The following ABI2 variants were observed in gnomAD, a reference collection of about 807,000 sequenced individuals.
ABI2 encodes abelson interactor 2.
Under a neutral mutation model 59.2 loss-of-function variants are expected in ABI2, and 25 were observed. The ratio of observed to expected loss-of-function variants is 0.42; its 90% confidence interval spans 0.31 to 0.59. The LOEUF (loss-of-function observed/expected upper bound fraction) is 0.59. ABI2 is among the 20% of genes least tolerant of loss of function. The pLI, the probability that ABI2 is intolerant of heterozygous loss-of-function variation, is 0.14. For missense variants in ABI2, 545 were observed against 681.8 expected (o/e 0.80, Z 2.23); for synonymous variants, 213 against 235.5 (o/e 0.90, Z 0.87).
At chr2:203,421,991 AAG>A (rs1471026301) in intron 11 of ABI2, among the ~76,000 whole-genome samples, 2 of 151,060 alleles carry the variant, frequency 1.3e-5, no homozygotes, top group Non-Finnish European at 2.9e-5. Context: ...AAAATCTAGA[AAG>A]AGAGCCAGTT....
chr2:203,378,177 A>G (rs62183953), intron 2 of ABI2, among the ~76,000 whole-genome samples: 24,403 of 151,034 alleles, frequency 0.16, 2,371 homozygotes, highest in East Asian at 0.52. Context: ...CAGTGGCACA[A>G]TCTCGGCTCA....
chr2:203,335,517 C>T (rs1403834017), intron 1 of ABI2, among the ~76,000 whole-genome samples: 2 of 152,210 alleles, frequency 1.3e-5, no homozygotes, highest in African/African-American at 2.4e-5. Flanking sequence ...CCTGCCTTGG[C>T]TTCCCAAAGT....
intron 11 of ABI2, among the ~76,000 whole-genome samples, chr2:203,419,379 T>G (rs906038826): frequency 6.6e-6 from 1 of 151,452 alleles, no homozygotes; most frequent in Non-Finnish European, 1.5e-5. Flanking sequence ...ATTACAGGCG[T>G]GAGCCACGAG....
At chr2:203,383,048 A>T (rs1440822279) in intron 4 of ABI2, among the ~76,000 whole-genome samples, 1 of 152,202 alleles carries the variant, frequency 6.6e-6, no homozygotes, top group Non-Finnish European at 1.5e-5. Flanking sequence ...ATTATATACA[A>T]AACTTAGCAT....
At chr2:203,364,007 G>T (rs1488077835) in intron 1 of ABI2, among the ~76,000 whole-genome samples, 1 of 151,598 alleles carries the variant, frequency 6.6e-6, no homozygotes, top group African/African-American at 2.4e-5. Flanking sequence ...CAGGTGATCT[G>T]CCCACCTTGG....
intron 1 of ABI2, among the ~76,000 whole-genome samples, chr2:203,340,815 A>T (rs2079418047): frequency 2.6e-5 from 4 of 152,038 alleles, no homozygotes; most frequent in Admixed American, 6.5e-5. Context: ...GTTATACCTC[A>T]GCAAAGCTGA....
chr2:203,342,640 C>T (rs1180423645), intron 1 of ABI2, among the ~76,000 whole-genome samples: 1 of 151,348 alleles, frequency 6.6e-6, no homozygotes, highest in Non-Finnish European at 1.5e-5. Flanking sequence ...AGTGCAGTGG[C>T]GTGATCTCAG....
chr2:203,423,824 AT>A (rs2098324936), intron 11 of ABI2, among the ~76,000 whole-genome samples: 1 of 152,234 alleles, frequency 6.6e-6, no homozygotes, highest in Non-Finnish European at 1.5e-5. Context: ...TAAAAAGAGA[AT>A]CATTTAAGCT....
chr2:203,378,353 C>T (rs983963962), intron 2 of ABI2, among the ~76,000 whole-genome samples: 3 of 152,144 alleles, frequency 2.0e-5, no homozygotes, highest in African/African-American at 4.8e-5. Flanking sequence ...CTTTGTGATC[C>T]GCCCACCTTG....
At chr2:203,415,356 G>A (rs1159837384) in intron 10 of ABI2, among the ~76,000 whole-genome samples, 1 of 152,060 alleles carries the variant, frequency 6.6e-6, no homozygotes, top group Non-Finnish European at 1.5e-5. Context: ...GGTGGCTCAC[G>A]CCTGTAATCC....
At chr2:203,381,133 TAAAA>T (rs889374697) in intron 3 of ABI2, among the ~76,000 whole-genome samples, 19 of 152,320 alleles carry the variant, frequency 1.2e-4, no homozygotes, top group African/African-American at 4.6e-4. Context: ...TAAACATACT[TAAAA>T]AACACTGTTA....
intron 9 of ABI2, among the ~76,000 whole-genome samples, chr2:203,403,742 G>GTTTTTTTTTTTTTTTTT (rs56123341): frequency 1.0e-5 from 1 of 95,300 alleles, no homozygotes; most frequent in Admixed American, 1.4e-4. Flanking sequence ...CTTTCTTTCT[G>GTTTTTTTTTTTTTTTTT]TTTTTTTTTT....
In ABI2 at chr2:203,412,748, C is replaced by T. The variant is rs1472870807; in HGVS notation, c.1279+1377C>T. 5.9e-5 allele frequency among the ~76,000 whole-genome samples: 9 copies of T among 152,200 alleles called. No homozygotes were observed. The East Asian group carries it at 1.7e-3, about 29-fold the overall frequency. On this transcript the variant is annotated intron_variant, in intron 10 of 11. Transcript: ENST00000261018. The stretch of plus-strand genomic sequence containing the variant: ...TATTAATAGTTCAGCATGTGCCAAG[C>T]ACATCCATAGTGTGATCCTCTGCCA...
chr2:203,390,281 A>G (rs2096691296), intron 4 of ABI2, among the ~76,000 whole-genome samples: 1 of 152,222 alleles, frequency 6.6e-6, no homozygotes, highest in African/African-American at 2.4e-5. Flanking sequence ...GATCATATGC[A>G]TAGTTGCATA....
At chr2:203,344,528 G>A (rs1239623012) in intron 1 of ABI2, among the ~76,000 whole-genome samples, 2 of 148,926 alleles carry the variant, frequency 1.3e-5, no homozygotes, top group Non-Finnish European at 3.0e-5. Flanking sequence ...GCCACACCCG[G>A]CTAATTTTTG....
chr2:203,395,455 A>G (rs2096942441), intron 6 of ABI2, among the ~76,000 whole-genome samples: 1 of 148,064 alleles, frequency 6.8e-6, no homozygotes, highest in Non-Finnish European at 1.5e-5. Flanking sequence ...ATATACACAC[A>G]CACACACACA....
At chr2:203,368,809 AATAG>A (rs975236191) in intron 2 of ABI2, among the ~76,000 whole-genome samples, 1 of 151,608 alleles carries the variant, frequency 6.6e-6, no homozygotes, top group Non-Finnish European at 1.5e-5. Flanking sequence ...TAAATGACGA[AATAG>A]ATGAATTTTT....
At chr2:203,414,365 G>A (rs2097800845) in intron 10 of ABI2, among the ~76,000 whole-genome samples, 1 of 152,150 alleles carries the variant, frequency 6.6e-6, no homozygotes, top group Admixed American at 6.5e-5. Context: ...GCCTCCCAAA[G>A]TGCTGGGATT....
chr2:203,363,952 CG>C (rs1348723729), intron 1 of ABI2, among the ~76,000 whole-genome samples: 1 of 151,228 alleles, frequency 6.6e-6, no homozygotes, highest in African/African-American at 2.4e-5. Flanking sequence ...TTAGTAGAGA[CG>C]GGGTTTTACC....
Sources: allele counts gnomAD v4.1 joint callset (sites outside exome capture counted in the v4.1 genomes callset), GRCh38; gene constraint gnomAD v4.1.1; transcripts MANE v1.5; gene names NCBI Gene and HGNC (gene_info 2026-07-23, HGNC 2026-07-21).